METTL23: variants seen among roughly 807,000 people sequenced by gnomAD.
The protein encoded by METTL23 is histone-arginine methyltransferase METTL23.
In METTL23, 24 loss-of-function variants were observed where a neutral mutation model predicts 21.2. That is an observed-to-expected ratio of 1.13 (90% CI 0.82 to 1.59). METTL23 has a LOEUF of 1.59. METTL23 is among the 40% of genes most tolerant of loss of function. METTL23 has a pLI of 0.00. For missense variants in METTL23, 276 were observed against 221.4 expected (o/e 1.25, Z -1.57); for synonymous variants, 97 against 75.2 (o/e 1.29, Z -1.50).
intron 2 of METTL23, chr17:76,732,762 G>A (rs1036903226): frequency 3.4e-6 from 2 of 586,074 alleles, no homozygotes; most frequent in African/African-American, 3.7e-5. Context: ...TGAAATTGAA[G>A]GTTAAGCTTT....
intron 1 of METTL23, among the ~76,000 whole-genome samples, chr17:76,729,202 C>T (rs1233857811): frequency 1.3e-5 from 2 of 151,934 alleles, no homozygotes; most frequent in Non-Finnish European, 2.9e-5. Flanking sequence ...GCGATTTTCC[C>T]GCCTCAGCTG....
upstream of METTL23, chr17:76,726,606 T>C (rs916328258): frequency 8.3e-5 from 105 of 1,265,564 alleles, no homozygotes; most frequent in Non-Finnish European, 1.0e-4. Context: ...CCGGCGCCTT[T>C]AAAGTCGCCT....
intron 1 of METTL23, among the ~76,000 whole-genome samples, chr17:76,728,918 G>C (rs1345790551): frequency 6.8e-6 from 1 of 146,022 alleles, no homozygotes; most frequent in Non-Finnish European, 1.5e-5. Flanking sequence ...CTCAGCCTCC[G>C]GAGTAGCTGG....
At chr17:76,728,346 C>T (rs1173100934) in intron 1 of METTL23, among the ~76,000 whole-genome samples, 1 of 145,264 alleles carries the variant, frequency 6.9e-6, no homozygotes, top group African/African-American at 2.8e-5. Context: ...AGTGATCCTC[C>T]CACCTCAGCC....
intron 1 of METTL23, among the ~76,000 whole-genome samples, chr17:76,728,718 C>T (rs541389325): frequency 1.1e-4 from 17 of 149,226 alleles, no homozygotes; most frequent in East Asian, 2.0e-4. Context: ...GCTGGCTTCA[C>T]GTTTAAATAC....
chr17:76,733,016 C>T lies in METTL23; in HGVS notation c.123C>T (p.Ala41=). ...AGVSLPGILA[A]KCGAEVILSD... Reference sequence around the variant, plus strand: ...TGAGCCTTCCAGGAATTTTGGCTGCCAAATGTGGTGCAGAAGTAATACTGT... The same window carrying T: ...TGAGCCTTCCAGGAATTTTGGCTGCTAAATGTGGTGCAGAAGTAATACTGT... The change falls in exon 3 of 5, where the codon GCC becomes GCT. Residue 41 remains alanine, a synonymous_variant. Coordinates refer to ENST00000341249, the MANE Select transcript of METTL23 (RefSeq NM_001080510.5). The T allele has an allele frequency of 6.3e-7, 1 of 1,592,056 alleles. No homozygotes were observed. The highest frequency in any genetic ancestry group is 8.6e-7 in the Non-Finnish European group (1 of 1,168,210).
At chr17:76,726,113 G>A (rs1043442350), upstream of METTL23, among the ~76,000 whole-genome samples, 3 of 152,206 alleles carry the variant, frequency 2.0e-5, no homozygotes, top group African/African-American at 7.2e-5. Flanking sequence ...AGTTGAGAGC[G>A]CCACAGGCGT....
In METTL23 at chr17:76,733,712, C is replaced by T; in HGVS notation, c.*26C>T. 6.2e-7 allele frequency: 1 copy of T among 1,601,806 alleles called. No individual in the cohort carries two copies. The highest frequency in any genetic ancestry group is 8.5e-7 in the Non-Finnish European group (1 of 1,173,854). On this transcript the variant is annotated 3_prime_UTR_variant, in exon 5 of 5. Coordinates refer to ENST00000341249, the MANE Select transcript of METTL23 (RefSeq NM_001080510.5). ...ATTATACCTACAACCTGTTCTGGGA[C>T]AGTATCAATACTGATGAGCAACCTG...
intron 1 of METTL23, 92 bp downstream of exon 1, chr17:76,727,270 C>G: frequency 2.9e-6 from 1 of 347,318 alleles, no homozygotes; most frequent in Non-Finnish European, 5.7e-6. Context: ...GGGGTGCGGA[C>G]GCTCAGCTGC....
Position 76,732,971 on chromosome 17 carries a change from T to TTTAA in METTL23, c.85-6_85-5insTAAT. 6.4e-7 allele frequency: 1 copy of TTTAA among 1,558,872 alleles called. No individual in the cohort carries two copies. Among genetic ancestry groups the TTTAA allele is most frequent in the Non-Finnish European group, 8.7e-7 (1 of 1,149,384 alleles). ...ATTGTGAAATGCCATCTTTCATAAC[T>TTTAA]TATTAGATTGGAGCTGGAGTGAGCC... is the stretch of plus-strand genomic sequence containing the variant. On this transcript the variant is annotated splice_polypyrimidine_tract_variant and splice_region_variant and intron_variant, in intron 2 of 4. Transcript: ENST00000341249.
At chr17:76,726,304 G>A (rs1335124716), upstream of METTL23, 3 of 1,527,212 alleles carry the variant, frequency 2.0e-6, no homozygotes, top group South Asian at 2.4e-5. Flanking sequence ...AGCGGCTGGA[G>A]GTGCCGATGC....
intron 2 of METTL23, among the ~76,000 whole-genome samples, chr17:76,730,303 G>A (rs1056780590): frequency 2.0e-5 from 3 of 150,188 alleles, no homozygotes; most frequent in Non-Finnish European, 4.4e-5. Flanking sequence ...AAAAAAAAAA[G>A]TGGTTTTTTA....
chr17:76,726,129 T>G (rs928971167), upstream of METTL23, among the ~76,000 whole-genome samples: 1 of 152,160 alleles, frequency 6.6e-6, no homozygotes, highest in Non-Finnish European at 1.5e-5. Flanking sequence ...GGCGTGGGAC[T>G]CCCGTCGTCC....
upstream of METTL23, chr17:76,726,696 T>C: frequency 1.7e-6 from 1 of 593,136 alleles, no homozygotes; most frequent in Non-Finnish European, 2.9e-6. Flanking sequence ...CCGACGCCTC[T>C]CGCGGTTTTC....
At chr17:76,729,434 G>T (rs1359116949) in intron 1 of METTL23, among the ~76,000 whole-genome samples, 1 of 152,158 alleles carries the variant, frequency 6.6e-6, no homozygotes, top group African/African-American at 2.4e-5. Context: ...AGTAGGATAT[G>T]TGCTCAGGGA....
Position 76,726,999 on chromosome 17 carries a change from C to A in METTL23, c.-201C>A, listed in dbSNP as rs1049980736. ...TACGGCCACGTGGCCCGCGGCTTCC[C>A]GCTCGCGCAGTCTGGCAGCCCGGAG... is the stretch of plus-strand genomic sequence containing the variant. On this transcript the variant is annotated 5_prime_UTR_variant, in exon 1 of 5. Transcript: ENST00000341249. The A allele has an allele frequency of 4.2e-5, 19 of 456,288 alleles. No individual in the cohort carries two copies. The Admixed American group carries it at 4.2e-4, about 10-fold the overall frequency. The allele number at this position is 456,288 out of a possible 1,614,324, so 28.3% of individuals were successfully genotyped here. A position where few individuals can be genotyped will look rare whatever the true frequency, so the allele number is the denominator to read the frequency against.
intron 2 of METTL23, among the ~76,000 whole-genome samples, chr17:76,731,159 C>T (rs1359220371): frequency 4.6e-5 from 7 of 151,398 alleles, no homozygotes; most frequent in Admixed American, 4.6e-4. Context: ...CCTGTAGTCC[C>T]AGCTACTCAG....
intron 2 of METTL23, among the ~76,000 whole-genome samples, chr17:76,730,185 G>A (rs1020036931): frequency 2.0e-5 from 3 of 151,874 alleles, no homozygotes; most frequent in Non-Finnish European, 2.9e-5. Context: ...CCAGCTACTC[G>A]GGAGGCTGAA....
intron 1 of METTL23, among the ~76,000 whole-genome samples, chr17:76,727,823 C>T (rs1398837547): frequency 1.3e-5 from 2 of 152,210 alleles, no homozygotes; most frequent in Non-Finnish European, 2.9e-5. Flanking sequence ...CTCCAACTCC[C>T]GGATTCAAGT....
Sources: gnomAD v4.1 joint callset for allele counts (sites outside exome capture counted in the v4.1 genomes callset) on GRCh38, gnomAD v4.1.1 for gene constraint, MANE v1.5 for transcripts, NCBI Gene and HGNC (gene_info 2026-07-23, HGNC 2026-07-21) for gene names.